GNB1: variants seen among roughly 807,000 people sequenced by gnomAD.
GNB1 encodes G protein subunit beta 1, also known as guanine nucleotide-binding protein G(I)/G(S)/G(T) subunit beta-1.
In GNB1, 2 loss-of-function variants were observed where a neutral mutation model predicts 42.9. The ratio of observed to expected loss-of-function variants is 0.05; its 90% CI spans 0.02 to 0.15. The LOEUF (loss-of-function observed/expected upper bound fraction) is 0.15, where lower values mean the gene tolerates loss of function less well. GNB1 is among the 10% of genes least tolerant of loss of function. The pLI is 1.00. For missense variants in GNB1, 193 were observed against 462.2 expected, an observed-to-expected ratio of 0.42 and a Z score of 5.34; for synonymous variants, 183 against 174.7, an observed-to-expected ratio of 1.05 and a Z score of -0.38.
chr1:1,812,413 C>CAT (rs1385492440), intron 5 of GNB1, among the ~76,000 whole-genome samples: 2 of 150,232 alleles, frequency 1.3e-5, no homozygotes, highest in African/African-American at 4.9e-5. Context: ...TACATACACA[C>CAT]ACACACACAC....
intron 1 of GNB1, among the ~76,000 whole-genome samples, chr1:1,867,341 G>A (rs191921402): frequency 6.6e-6 from 1 of 152,312 alleles, no homozygotes; most frequent in Non-Finnish European, 1.5e-5. Flanking sequence ...GGACAAGCAT[G>A]ACTAGGCATT....
rs1472209915 is a variant in GNB1, at chr1:1,867,243, G to A, written c.-96+23577C>T. Among the ~76,000 whole-genome samples the A allele has an allele frequency of 3.3e-5, 5 of 152,196 alleles. No homozygotes were observed. In the East Asian group the frequency reaches 9.6e-4, roughly 29 times the overall value. ...GATCAGGCCACTTCACCCCAGCCTGGCAAGAGCGAAACTCCACCAAAAAAC... is the reference window on the plus strand; with the variant it reads ...GATCAGGCCACTTCACCCCAGCCTGACAAGAGCGAAACTCCACCAAAAAAC... On this transcript the variant is annotated intron_variant, in intron 1 of 11. Coordinates refer to ENST00000378609, the MANE Select transcript of GNB1 (RefSeq NM_002074.5).
At chr1:1,890,070 C>G (rs1236087700) in intron 1 of GNB1, among the ~76,000 whole-genome samples, 2 of 152,164 alleles carry the variant, frequency 1.3e-5, no homozygotes, top group African/African-American at 4.8e-5. Context: ...CCACCGGGCC[C>G]ATTCATTCGC....
chr1:1,857,178 T>A (rs1421467181), intron 1 of GNB1, among the ~76,000 whole-genome samples: 1 of 152,192 alleles, frequency 6.6e-6, no homozygotes, highest in East Asian at 1.9e-4. Context: ...TTCAAAAGTC[T>A]ACCCAGTCTA....
At position 1,891,001 on chromosome 1, in the gene GNB1, G is replaced by C. The variant is rs949074801; in HGVS notation, c.-277C>G. 10 of 151,756 alleles carry C rather than the reference G, an allele frequency of 6.6e-5. No individual in the cohort carries two copies. The highest frequency in any genetic ancestry group is 2.5e-4 in the African/African-American group (10 of 40,810). The allele number at this position is 151,756 out of a possible 1,614,324, so 9.4% of individuals were successfully genotyped here. A position where few individuals can be genotyped will look rare whatever the true frequency, so the allele number is the denominator to read the frequency against. The stretch of plus-strand genomic sequence containing the variant: ...CTCCCGGCCCCGCTCCCCACTCGCC[G>C]CCCGCTCCCGCTCCCGCCGCCGCCG... On this transcript the variant is annotated 5_prime_UTR_variant, in exon 1 of 12. Coordinates refer to ENST00000378609, the MANE Select transcript of GNB1 (RefSeq NM_002074.5).
intron 3 of GNB1, chr1:1,818,202 G>A: frequency 4.6e-6 from 1 of 219,574 alleles, no homozygotes; most frequent in South Asian, 7.3e-5. Context: ...GGACCCTGGT[G>A]CTGCCTGTGC....
intron 1 of GNB1, among the ~76,000 whole-genome samples, chr1:1,867,383 G>A (rs183186535): frequency 1.5e-3 from 224 of 152,336 alleles, no homozygotes; most frequent in African/African-American, 5.2e-3. Flanking sequence ...GACCTACTAT[G>A]TACCAGGCAC....
At chr1:1,822,744 C>G (rs867934456) in intron 3 of GNB1, among the ~76,000 whole-genome samples, 1 of 152,142 alleles carries the variant, frequency 6.6e-6, no homozygotes, top group African/African-American at 2.4e-5. Context: ...GTCCAAACCT[C>G]GGAAGGAGGT....
intron 2 of GNB1, among the ~76,000 whole-genome samples, chr1:1,830,656 C>T (rs142911635): frequency 6.6e-6 from 1 of 152,092 alleles, no homozygotes; most frequent in South Asian, 2.1e-4. Flanking sequence ...CATCCTTCTA[C>T]CTTAGCCTCC....
chr1:1,831,078 C>T lies in GNB1; in HGVS notation c.-46-5579G>A, dbSNP rs139772632. On this transcript the variant is annotated intron_variant, in intron 2 of 11. Coordinates refer to ENST00000378609, the MANE Select transcript of GNB1 (RefSeq NM_002074.5). ...TACTCGGGAGGCTTAGGTGGGAGAA[C>T]GGCTTGAACCTGGGAGGCGGAGGCT... Among the ~76,000 whole-genome samples, 1,266 of 152,174 alleles carry T rather than the reference C, an allele frequency of 8.3e-3. 21 individuals carry two copies. The highest frequency in any genetic ancestry group is 0.029 in the African/African-American group (1,214 of 41,518).
intron 6 of GNB1, among the ~76,000 whole-genome samples, 166 bp from the exon 7 acceptor site, chr1:1,804,747 T>A (rs1219830797): frequency 6.6e-6 from 1 of 152,226 alleles, no homozygotes; most frequent in Non-Finnish European, 1.5e-5. Context: ...AGGTGAAGCA[T>A]ACTTAATGAG....
Position 1,809,991 on chromosome 1 carries a change from G to A in GNB1, c.204-3453C>T, listed in dbSNP as rs192092864. Reference sequence around the variant, plus strand: ...CTCATGCCTGTAACCCCAGCACTTTGGGAGGCTGAGATAAGAGGATTGGTT... The same window carrying A: ...CTCATGCCTGTAACCCCAGCACTTTAGGAGGCTGAGATAAGAGGATTGGTT... On this transcript the variant is annotated intron_variant, in intron 5 of 11. Coordinates refer to ENST00000378609, the MANE Select transcript of GNB1 (RefSeq NM_002074.5). Among the ~76,000 whole-genome samples, 49 of 152,024 alleles carry A rather than the reference G, an allele frequency of 3.2e-4. No homozygotes were observed. The East Asian group carries it at 9.1e-3, about 28-fold the overall frequency.
At chr1:1,797,867 A>G (rs1051417690) in intron 7 of GNB1, among the ~76,000 whole-genome samples, 1 of 152,212 alleles carries the variant, frequency 6.6e-6, no homozygotes, top group African/African-American at 2.4e-5. Context: ...GACACACTGA[A>G]AGGCAGGCGG....
At chr1:1,839,338 T>A (rs1647193027) in intron 1 of GNB1, 100 bp from the exon 2 acceptor site, 1 of 152,170 alleles carries the variant, frequency 6.6e-6, no homozygotes, top group Admixed American at 6.6e-5. Context: ...ACACATAAAT[T>A]TGACCCTTCC....
chr1:1,807,275 G>C (rs1646708358), intron 5 of GNB1, among the ~76,000 whole-genome samples: 2 of 151,646 alleles, frequency 1.3e-5, no homozygotes, highest in Non-Finnish European at 2.9e-5. Flanking sequence ...CCTCATGCTA[G>C]CATGGTAAAA....
chr1:1,840,573 T>C (rs533115645), intron 1 of GNB1, among the ~76,000 whole-genome samples: 6 of 152,216 alleles, frequency 3.9e-5, no homozygotes, highest in Admixed American at 6.5e-5. Context: ...CTAATACAAT[T>C]CAACAAATTC....
At chr1:1,882,289 G>A (rs1048992988) in intron 1 of GNB1, among the ~76,000 whole-genome samples, 3 of 152,198 alleles carry the variant, frequency 2.0e-5, no homozygotes, top group Non-Finnish European at 2.9e-5. Context: ...TTAGCTAGGC[G>A]TGGCGGCATG....
At chr1:1,845,430 A>G (rs917682143) in intron 1 of GNB1, among the ~76,000 whole-genome samples, 7 of 152,054 alleles carry the variant, frequency 4.6e-5, no homozygotes, top group African/African-American at 1.4e-4. Flanking sequence ...AAAATTAGCC[A>G]GGTGGGATGG....
intron 1 of GNB1, among the ~76,000 whole-genome samples, chr1:1,841,081 G>A (rs545663870): frequency 3.1e-4 from 47 of 151,786 alleles, no homozygotes; most frequent in East Asian, 1.9e-4. Context: ...TAGTAGAGAC[G>A]GGTTTTCACC....
Sources: gnomAD v4.1 joint callset for allele counts (sites outside exome capture counted in the v4.1 genomes callset) on GRCh38, gnomAD v4.1.1 for gene constraint, MANE v1.5 for transcripts, NCBI Gene and HGNC (gene_info 2026-07-23, HGNC 2026-07-21) for gene names.